The following ATF7 variants were observed in gnomAD, a reference collection of about 807,000 sequenced individuals.
ATF7 encodes the protein cyclic AMP-dependent transcription factor ATF-7.
ATF7 carries 10 observed loss-of-function variants against 50.4 expected under a neutral mutation model. The observed-to-expected ratio is 0.20, with a 90% confidence interval of 0.12 to 0.34. ATF7 has a LOEUF of 0.34. Among genes scored for constraint, ATF7 ranks in the 10% least tolerant of loss-of-function variants. ATF7 has a pLI of 1.00. For synonymous variants in ATF7, 201 were observed against 226.4 expected, an observed-to-expected ratio of 0.89 and a Z score of 1.01; for missense variants, 465 against 613.9, an observed-to-expected ratio of 0.76 and a Z score of 2.56.
At chr12:53,575,149 T>C (rs1941985700) in intron 2 of ATF7, among the ~76,000 whole-genome samples, 1 of 152,056 alleles carries the variant, frequency 6.6e-6, no homozygotes, top group East Asian at 1.9e-4. Context: ...GGCTCATGCC[T>C]GTAATCCCAG....
chr12:53,560,601 G>T (rs1296183046), intron 2 of ATF7, among the ~76,000 whole-genome samples: 1 of 152,012 alleles, frequency 6.6e-6, no homozygotes, highest in Non-Finnish European at 1.5e-5. Context: ...TGTTGCTTTT[G>T]GCCACCACAG....
Position 53,543,451 on chromosome 12 carries a change from G to A in ATF7, c.146-3C>T, listed in dbSNP as rs376743559. 1.3e-5 allele frequency: 20 copies of A among 1,577,862 alleles called. No homozygotes were observed. Among genetic ancestry groups the A allele is most frequent in the Non-Finnish European group, 1.4e-5 (16 of 1,162,118 alleles). ...TCTAGTTGGAGTAGGCGTTTGATCT[G>A]TAGACATGAAAGAAAAGGAAACTGT... On this transcript the variant is annotated splice_polypyrimidine_tract_variant and splice_region_variant and intron_variant, in intron 3 of 11. Transcript: ENST00000420353.
intron 2 of ATF7, among the ~76,000 whole-genome samples, chr12:53,595,144 T>C (rs1013515378): frequency 1.3e-5 from 2 of 152,174 alleles, no homozygotes; most frequent in African/African-American, 4.8e-5. Flanking sequence ...GAAATATGAA[T>C]TATTTAATAA....
At chr12:53,509,073 T>C (rs1944078643), downstream of ATF7, among the ~76,000 whole-genome samples, 1 of 152,136 alleles carries the variant, frequency 6.6e-6, no homozygotes, top group Admixed American at 6.5e-5. Context: ...TCCCCACCAG[T>C]GTGGGTCTCT....
intron 2 of ATF7, among the ~76,000 whole-genome samples, chr12:53,579,778 T>C (rs573926797): frequency 3.0e-4 from 46 of 152,294 alleles, no homozygotes; most frequent in African/African-American, 1.0e-3. Context: ...CTCTTGCTTG[T>C]GAAGCCTGCC....
intron 1 of ATF7, among the ~76,000 whole-genome samples, chr12:53,614,048 TGA>T (rs1944007987): frequency 6.6e-6 from 1 of 151,962 alleles, no homozygotes; most frequent in South Asian, 2.1e-4. Flanking sequence ...TGAAAACAGA[TGA>T]GAGTGAGAAT....
At chr12:53,536,135 T>C (rs1463646458) in intron 5 of ATF7, among the ~76,000 whole-genome samples, 2 of 152,186 alleles carry the variant, frequency 1.3e-5, no homozygotes, top group African/African-American at 2.4e-5. Flanking sequence ...TCACAGGAGG[T>C]AAATGCTATC....
At chr12:53,533,763 T>A (rs911027848) in intron 6 of ATF7, among the ~76,000 whole-genome samples, 1 of 152,108 alleles carries the variant, frequency 6.6e-6, no homozygotes, top group African/African-American at 2.4e-5. Context: ...TCTTAACCCA[T>A]GGGTACCGTG....
At chr12:53,573,797 T>C (rs995417624) in intron 2 of ATF7, among the ~76,000 whole-genome samples, 4 of 152,154 alleles carry the variant, frequency 2.6e-5, no homozygotes, top group Admixed American at 6.6e-5. Context: ...ATAGACTAAC[T>C]AACCTGGGAG....
chr12:53,550,298 T>C (rs1057343855), intron 3 of ATF7, among the ~76,000 whole-genome samples: 1 of 144,566 alleles, frequency 6.9e-6, no homozygotes, highest in Non-Finnish European at 1.5e-5. Flanking sequence ...CACTCCAGTC[T>C]GGGCAACAGA....
chr12:53,619,540 A>G (rs1195560653), intron 1 of ATF7, among the ~76,000 whole-genome samples: 1 of 150,974 alleles, frequency 6.6e-6, no homozygotes, highest in East Asian at 1.9e-4. Context: ...CAAGCTGGGC[A>G]TGGGGGCCCA....
chr12:53,547,985 C>T (rs1007776716), intron 3 of ATF7, among the ~76,000 whole-genome samples: 5 of 152,034 alleles, frequency 3.3e-5, no homozygotes, highest in African/African-American at 1.2e-4. Context: ...TGATCTCCTA[C>T]CTCAGCCTCC....
At chr12:53,570,744 T>C (rs935044213) in intron 2 of ATF7, among the ~76,000 whole-genome samples, 3 of 76,888 alleles carry the variant, frequency 3.9e-5, no homozygotes, top group Admixed American at 1.4e-4. Context: ...TGCGTGTGTG[T>C]GTGTGTGTGT....
chr12:53,575,778 T>C (rs1455543549), intron 2 of ATF7: 1 of 154,606 alleles, frequency 6.5e-6, no homozygotes, highest in Non-Finnish European at 1.5e-5. Flanking sequence ...GGAAGAAGGC[T>C]TTCTTGTGAA....
At chr12:53,522,556 C>T (rs1411200389) in intron 11 of ATF7, 1 of 138,838 alleles carries the variant, frequency 7.2e-6, no homozygotes, top group Non-Finnish European at 1.5e-5. Flanking sequence ...AAGACTCTGT[C>T]TCAAAAACAA....
intron 2 of ATF7, among the ~76,000 whole-genome samples, chr12:53,580,881 G>T (rs1024489078): frequency 3.3e-5 from 5 of 151,950 alleles, no homozygotes; most frequent in Non-Finnish European, 7.4e-5. Context: ...GGAGGCCAAG[G>T]TGGGTGGATC....
rs1368162390 is a variant in ATF7, at chr12:53,524,808, C to T, written c.928-47G>A. 3 of 1,460,434 alleles carry T rather than the reference C, an allele frequency of 2.1e-6. No homozygotes were observed. The highest frequency in any genetic ancestry group is 2.7e-6 in the Non-Finnish European group (3 of 1,091,056). 90.5% of individuals were successfully genotyped at this position (1,460,434 alleles called of 1,614,324 possible). On this transcript the variant is annotated intron_variant, in intron 9 of 11. Transcript: ENST00000420353. The surrounding 1 kb of genome is among the most constrained non-coding windows in gnomAD (Gnocchi z 4.6). ...AGGTTACTTGATGGGAACATTAATCCTTTCCAAATCACACCTGATGTTAGG... is the reference window on the plus strand; with the variant it reads ...AGGTTACTTGATGGGAACATTAATCTTTTCCAAATCACACCTGATGTTAGG...
At chr12:53,550,490 T>C (rs1021931423) in intron 3 of ATF7, among the ~76,000 whole-genome samples, 9 of 151,904 alleles carry the variant, frequency 5.9e-5, no homozygotes, top group Non-Finnish European at 1.0e-4. Context: ...AATGAGAGAC[T>C]AATCAAGGAG....
intron 2 of ATF7, among the ~76,000 whole-genome samples, chr12:53,587,735 A>G (rs1215598270): frequency 6.7e-6 from 1 of 149,330 alleles, no homozygotes; most frequent in Non-Finnish European, 1.5e-5. Flanking sequence ...AAAGACATTC[A>G]GACAACATAT....
Sources: gnomAD v4.1 joint callset for allele counts (sites outside exome capture counted in the v4.1 genomes callset) on GRCh38, gnomAD v4.1.1 for gene constraint, Gnocchi (gnomAD v3.1) non-coding constraint, MANE v1.5 for transcripts, NCBI Gene and HGNC (gene_info 2026-07-23, HGNC 2026-07-21) for gene names.